LPP: variants seen among roughly 807,000 people sequenced by gnomAD.
LPP encodes lipoma-preferred partner.
In LPP, 38 loss-of-function variants were observed where a neutral mutation model predicts 60.4. The ratio of observed to expected loss-of-function variants is 0.63; its 90% CI spans 0.49 to 0.83. LPP has a LOEUF of 0.83. Ranked by LOEUF, LPP falls within the 40% of genes least tolerant of loss-of-function variation. The pLI is 0.00. For synonymous variants in LPP, 328 were observed against 290.8 expected (o/e 1.13, Z -1.30); for missense variants, 902 against 783.6 (o/e 1.15, Z -1.80).
chr3:188,828,672 G>T (rs907316940), intron 9 of LPP, among the ~76,000 whole-genome samples: 2 of 142,656 alleles, frequency 1.4e-5, no homozygotes, highest in African/African-American at 5.2e-5. Context: ...CATGTGACCT[G>T]GGCAGGTTAA....
intron 7 of LPP, among the ~76,000 whole-genome samples, chr3:188,690,785 A>G (rs752716042): frequency 1.3e-5 from 2 of 152,098 alleles, no homozygotes; most frequent in Non-Finnish European, 2.9e-5. Context: ...GTCTTGCCCT[A>G]CCTGTACTAC....
intron 7 of LPP, among the ~76,000 whole-genome samples, chr3:188,643,515 T>C (rs1283019942): frequency 2.0e-5 from 3 of 152,216 alleles, no homozygotes; most frequent in South Asian, 2.1e-4. Flanking sequence ...TGAAGCTCTC[T>C]GATACTCTTA....
chr3:188,343,320 A>G (rs1406998516), intron 3 of LPP, among the ~76,000 whole-genome samples: 1 of 152,208 alleles, frequency 6.6e-6, no homozygotes, highest in Non-Finnish European at 1.5e-5. Flanking sequence ...TGTTTTTAAA[A>G]AAGGTAGTAG....
At chr3:188,377,116 T>C (rs1169070459) in intron 3 of LPP, among the ~76,000 whole-genome samples, 1 of 152,230 alleles carries the variant, frequency 6.6e-6, no homozygotes, top group Non-Finnish European at 1.5e-5. Flanking sequence ...TAACCTGACC[T>C]TTCTCTCTGG....
intron 1 of LPP, among the ~76,000 whole-genome samples, chr3:188,192,776 C>T (rs911909533): frequency 2.0e-5 from 3 of 152,178 alleles, no homozygotes; most frequent in African/African-American, 4.8e-5. Context: ...AAACAGGGCC[C>T]TTTTCTTGCC....
chr3:188,633,948 T>C (rs1297251133), intron 7 of LPP, among the ~76,000 whole-genome samples: 1 of 152,180 alleles, frequency 6.6e-6, no homozygotes, highest in Non-Finnish European at 1.5e-5. Flanking sequence ...CTCTCTGCCA[T>C]GGAACTATCA....
intron 2 of LPP, among the ~76,000 whole-genome samples, chr3:188,243,876 T>A (rs1326064038): frequency 2.0e-5 from 3 of 152,094 alleles, no homozygotes; most frequent in African/African-American, 7.2e-5. Context: ...ATTTTATTTT[T>A]AAAATTTTTA....
intron 3 of LPP, among the ~76,000 whole-genome samples, chr3:188,400,501 G>A (rs972186847): frequency 6.6e-6 from 1 of 152,150 alleles, no homozygotes; most frequent in Non-Finnish European, 1.5e-5. Flanking sequence ...TTTATTGTCA[G>A]TCTCTAGTCT....
intron 5 of LPP, among the ~76,000 whole-genome samples, chr3:188,502,906 T>A (rs2149895451): frequency 6.6e-6 from 1 of 152,230 alleles, no homozygotes; most frequent in South Asian, 2.1e-4. Flanking sequence ...ACAGAATAGA[T>A]GCTTCAAGTA....
intron 5 of LPP, among the ~76,000 whole-genome samples, chr3:188,508,117 C>T (rs182581698): frequency 3.0e-4 from 45 of 152,176 alleles, no homozygotes; most frequent in African/African-American, 1.0e-3. Context: ...TTGAGGCAGA[C>T]AAGGACCTTA....
chr3:188,541,579 G>A (rs957293603), intron 6 of LPP, among the ~76,000 whole-genome samples: 2 of 151,172 alleles, frequency 1.3e-5, no homozygotes, highest in Non-Finnish European at 2.9e-5. Context: ...GTAAAGATTT[G>A]TACCTGCCAT....
intron 2 of LPP, among the ~76,000 whole-genome samples, chr3:188,302,460 G>A (rs1750201055): frequency 6.6e-6 from 1 of 152,190 alleles, no homozygotes; most frequent in African/African-American, 2.4e-5. Flanking sequence ...CTTGAGAGAA[G>A]GCAGGGCTTT....
At position 188,205,879 on chromosome 3, in the gene LPP, G is replaced by A. The variant is rs567369155; in HGVS notation, c.-189-19526G>A. 1.7e-3 allele frequency among the ~76,000 whole-genome samples: 263 copies of A among 152,328 alleles called. 1 individual carries two copies. Among genetic ancestry groups the A allele is most frequent in the African/African-American group, 6.2e-3 (257 of 41,570 alleles). ...GGGAAGTGGAGGAAGGAAGGGGACC[G>A]CTAGAGCCAACCTGAGTCGCTCTGC... On this transcript the variant is annotated intron_variant, in intron 1 of 11. Transcript: ENST00000617246.
intron 9 of LPP, among the ~76,000 whole-genome samples, chr3:188,842,743 G>A (rs1020078464): frequency 4.0e-5 from 6 of 149,488 alleles, no homozygotes; most frequent in African/African-American, 1.5e-4. Flanking sequence ...TTTTCATCTT[G>A]CATTTTTCTC....
At chr3:188,423,782 A>T (rs2889897) in intron 4 of LPP, among the ~76,000 whole-genome samples, 30 of 151,944 alleles carry the variant, frequency 2.0e-4, no homozygotes, top group African/African-American at 7.0e-4. Flanking sequence ...TATCCTTCAC[A>T]TACTTTTTGA....
chr3:188,365,865 A>G (rs1179281676), intron 3 of LPP, among the ~76,000 whole-genome samples: 1 of 152,176 alleles, frequency 6.6e-6, no homozygotes, highest in Non-Finnish European at 1.5e-5. Flanking sequence ...GCTAATTAAC[A>G]TAGGCATCAC....
At chr3:188,200,908 A>G (rs896713792) in intron 1 of LPP, among the ~76,000 whole-genome samples, 4 of 152,226 alleles carry the variant, frequency 2.6e-5, no homozygotes, top group Admixed American at 1.3e-4. Flanking sequence ...TAATTACACT[A>G]TGAAATTATG....
intron 6 of LPP, among the ~76,000 whole-genome samples, chr3:188,532,373 C>A (rs914263193): frequency 1.3e-5 from 2 of 152,062 alleles, no homozygotes; most frequent in Non-Finnish European, 2.9e-5. Flanking sequence ...TGCAGTGAGC[C>A]GAGATTGTGC....
In LPP at chr3:188,169,229, C is replaced by A. The variant is rs931785524; in HGVS notation, c.-190+14977C>A. 2.6e-5 allele frequency among the ~76,000 whole-genome samples: 4 copies of A among 152,174 alleles called. No individual in the cohort carries two copies. In the East Asian group the frequency reaches 5.8e-4, roughly 22 times the overall value. On this transcript the variant is annotated intron_variant, in intron 1 of 11. Transcript: ENST00000617246. ...TTCTCTGTGAGAGGCTTCTTTTAAA[C>A]CCTAAGGAAGCTATAAAAGAGGTCA... is the stretch of plus-strand genomic sequence containing the variant.
Sources: gnomAD v4.1 joint callset for allele counts (sites outside exome capture counted in the v4.1 genomes callset) on GRCh38, gnomAD v4.1.1 for gene constraint, MANE v1.5 for transcripts, NCBI Gene and HGNC (gene_info 2026-07-23, HGNC 2026-07-21) for gene names.